The following SETD1B variants were observed in gnomAD, a reference collection of about 807,000 sequenced individuals.
SETD1B encodes histone-lysine N-methyltransferase SETD1B.
SETD1B carries 7 observed loss-of-function variants against 148.0 expected under a neutral mutation model. That is an observed-to-expected ratio of 0.05 (90% CI 0.03 to 0.09). The LOEUF is 0.09. Among genes scored for constraint, SETD1B ranks in the 10% least tolerant of loss-of-function variants. The pLI, the probability that SETD1B is intolerant of heterozygous loss-of-function variation, is 1.00. For synonymous variants in SETD1B, 1,361 were observed against 1,186.5 expected, an observed-to-expected ratio of 1.15 and a Z score of -3.02; for missense variants, 2,155 against 2,729.9, an observed-to-expected ratio of 0.79 and a Z score of 4.69.
At chr12:121,801,721 C>T (rs1875374115), upstream of SETD1B, 1 of 152,250 alleles carries the variant, frequency 6.6e-6, no homozygotes, top group South Asian at 2.1e-4. Context: ...TTGTAAGTTA[C>T]ACCCTCACGT....
rs747685764 is a variant in SETD1B, at chr12:121,817,939, G to A, written c.3418+35G>A. On this transcript the variant is annotated intron_variant, in intron 10 of 16. Coordinates refer to ENST00000604567, the MANE Select transcript of SETD1B (RefSeq NM_001353345.2). This position sits in a 1 kb window ranked among gnomAD's most constrained non-coding sequence, Gnocchi z 8.1. ...GAGGCCGTGGCTGCCTGGCCCTCCCGGAGTCCCTCTTTCCCCGGGGCAGAG... is the reference window on the plus strand; with the variant it reads ...GAGGCCGTGGCTGCCTGGCCCTCCCAGAGTCCCTCTTTCCCCGGGGCAGAG... The A allele has an allele frequency of 7.4e-6, 11 of 1,495,054 alleles. No individual in the cohort carries two copies. In the South Asian group the frequency reaches 7.8e-5, roughly 11 times the overall value. 92.6% of individuals were successfully genotyped at this position (1,495,054 alleles called of 1,614,324 possible).
the SETD1B span, chr12:121,793,542 C>T: frequency 1.9e-6 from 3 of 1,545,780 alleles, no homozygotes; most frequent in Non-Finnish European, 1.7e-6. Flanking sequence ...CGAGGTCTTG[C>T]CGCAGCCGCC....
upstream of SETD1B, chr12:121,799,720 G>GGGGGGGT (rs1566540667): frequency 7.9e-6 from 1 of 126,504 alleles, no homozygotes; most frequent in Non-Finnish European, 1.7e-5. Context: ...TCGCAGCTGG[G>GGGGGGGT]GGGGGGGGGG....
rs1374010793 is a variant in SETD1B, at chr12:121,806,112, C to T, written c.544+7C>T. The stretch of plus-strand genomic sequence containing the variant: ...GTGGAGCTGGACACCAAAGGTGAGC[C>T]TGGCAGGGGAGGAGCGTGGGGAGAC... On this transcript the variant is annotated splice_region_variant and intron_variant, in intron 4 of 16. Coordinates refer to ENST00000604567, the MANE Select transcript of SETD1B (RefSeq NM_001353345.2). The T allele has an allele frequency of 6.5e-7, 1 of 1,550,274 alleles. No homozygotes were observed. The highest frequency in any genetic ancestry group is 1.4e-5 in the African/African-American group (1 of 73,014).
chr12:121,806,210 A>AT (rs1875732652), intron 4 of SETD1B, 105 bp downstream of exon 4: 4 of 1,241,640 alleles, frequency 3.2e-6, no homozygotes, highest in South Asian at 3.0e-5. Flanking sequence ...CTTCCTTGGG[A>AT]TCCCCCCCCA....
chr12:121,819,787 C>T lies in SETD1B; in HGVS notation c.3802C>T (p.Pro1268Ser). Residue 1268 changes from proline to serine, a missense_variant, in exon 11 of 17, where the codon CCG becomes TCG. Transcript: ENST00000604567. ...GVEEPADSRE[P>S]PEEPGLSQEG... is the part of the protein sequence containing the mutation. ...TGAAGAGCCAGCGGACTCCAGGGAGCCGCCTGAGGAACCAGGCCTGAGCCA... is the reference window on the plus strand; with the variant it reads ...TGAAGAGCCAGCGGACTCCAGGGAGTCGCCTGAGGAACCAGGCCTGAGCCA... 2 of 1,551,608 alleles carry T rather than the reference C, an allele frequency of 1.3e-6. No homozygotes were observed. The highest frequency in any genetic ancestry group is 1.7e-6 in the Non-Finnish European group (2 of 1,146,966).
At chr12:121,791,154 C>A in the SETD1B span, among the ~76,000 whole-genome samples, 1 of 151,994 alleles carries the variant, frequency 6.6e-6, no homozygotes, top group Non-Finnish European at 1.5e-5. Context: ...GAGATGTAGT[C>A]TCGCCCTGTC....
rs988981000 is a variant in SETD1B at position 121,822,674 on chromosome 12, C to T, written c.4095C>T (p.Gly1365=). Residue 1365 remains glycine (G), a synonymous_variant, in exon 12 of 17, where the codon GGC becomes GGT. Transcript: ENST00000604567. ...AGGACCACCCCCCGCATACTCCAGG[C>T]CTCTGTGGCAGCCTGGCCAAGTCGC... The part of the protein sequence containing the change: ...LAEDHPPHTP[G]LCGSLAKSQS... The T allele has an allele frequency of 3.4e-5, 52 of 1,544,932 alleles. No homozygotes were observed. The highest frequency in any genetic ancestry group is 6.9e-5 in the African/African-American group (5 of 72,876).
At chr12:121,818,889 CAAAA>C (rs61120230) in intron 10 of SETD1B, among the ~76,000 whole-genome samples, 4 of 65,226 alleles carry the variant, frequency 6.1e-5, no homozygotes, top group Non-Finnish European at 1.3e-4. Context: ...GACTCCGTCT[CAAAA>C]AAAAAAAAAA....
chr12:121,829,908 T>C (rs541102018), intron 16 of SETD1B, among the ~76,000 whole-genome samples, 158 bp from the exon 17 acceptor site: 3 of 147,980 alleles, frequency 2.0e-5, no homozygotes, highest in Admixed American at 1.4e-4. Flanking sequence ...GGGTCACCCC[T>C]GGGGGTCGGG....
At chr12:121,821,861 G>T (rs367899155) in intron 11 of SETD1B, among the ~76,000 whole-genome samples, 3 of 151,866 alleles carry the variant, frequency 2.0e-5, no homozygotes, top group African/African-American at 7.3e-5. Flanking sequence ...CAAGGCTGGC[G>T]GATCACTTGA....
intron 4 of SETD1B, 75 bp downstream of exon 4, chr12:121,806,180 GGGGAGGACCCCCCCTCACTCTTCCTT>G (rs1875729295): frequency 4.7e-6 from 7 of 1,477,248 alleles, no homozygotes; most frequent in Non-Finnish European, 6.4e-6. Context: ...CCTGCAGCGT[GGGGAGGACCCCCCCTCACTCTTCCTT>G]GGGATCCCCC....
intron 7 of SETD1B, among the ~76,000 whole-genome samples, chr12:121,816,716 T>G (rs1399867354): frequency 6.6e-6 from 1 of 152,206 alleles, no homozygotes; most frequent in Non-Finnish European, 1.5e-5. Flanking sequence ...AATCTTACCT[T>G]GTGAAGGTGG....
Position 121,828,133 on chromosome 12 carries a change from A to T in SETD1B, c.5727+63A>T, listed in dbSNP as rs1876929295. ...CTGCCCCTGGCCCTGCTTCTGTGCC[A>T]GGAGGGCCTGGAAGCCCCGGCACGG... On this transcript the variant is annotated intron_variant, in intron 16 of 16. Transcript: ENST00000604567. The T allele has an allele frequency of 2.2e-5, 34 of 1,534,040 alleles. No individual in the cohort carries two copies. In the South Asian group the frequency reaches 3.9e-4, roughly 18 times the overall value.
At chr12:121,826,454 G>A (rs1876845506) in intron 13 of SETD1B, among the ~76,000 whole-genome samples, 1 of 152,180 alleles carries the variant, frequency 6.6e-6, no homozygotes, top group Non-Finnish European at 1.5e-5. Flanking sequence ...GGGGCTCACT[G>A]ACCCCAGCAG....
In SETD1B at chr12:121,817,814, G is replaced by C; in HGVS notation, c.3328G>C (p.Asp1110His). 1 of 1,550,642 alleles carries C rather than the reference G, an allele frequency of 6.4e-7. No individual in the cohort carries two copies. The highest frequency in any genetic ancestry group is 8.7e-7 in the Non-Finnish European group (1 of 1,146,522). Reference protein sequence around the residue: ...STSDKDDDDDDSDDRDESEND... With the variant: ...STSDKDDDDDHSDDRDESEND... ...TCTCCCCCAGGATGACGACGATGACGACAGTGATGACCGGGACGAGTCTGA... is the reference window on the plus strand; with the variant it reads ...TCTCCCCCAGGATGACGACGATGACCACAGTGATGACCGGGACGAGTCTGA... Residue 1110 changes from aspartate to histidine, a missense_variant, in exon 10 of 17, where the codon GAC (aspartate) becomes CAC (histidine). By Grantham distance (81) the Asp-to-His change is moderately conservative. Transcript: ENST00000604567. The surrounding 1 kb of genome is among the most constrained non-coding windows in gnomAD (Gnocchi z 8.1).
At chr12:121,824,146 G>A (rs541551729) in intron 12 of SETD1B, among the ~76,000 whole-genome samples, 3 of 152,300 alleles carry the variant, frequency 2.0e-5, no homozygotes, top group African/African-American at 7.2e-5. Context: ...AGAAGCTAAG[G>A]CTCAGAGAGG....
chr12:121,822,899 C>T lies in SETD1B; in HGVS notation c.4320C>T (p.Ser1440=), dbSNP rs115917759. The change falls in exon 12 of 17, where the codon AGC becomes AGT. Residue 1440 remains serine (S), a synonymous_variant. Coordinates refer to ENST00000604567, the MANE Select transcript of SETD1B (RefSeq NM_001353345.2). ...FSFTPTFSEP[S]GPLLLPVCPL... is the part of the protein sequence containing the mutation. Reference sequence around the variant, plus strand: ...TCACACCCACCTTCTCCGAGCCCAGCGGGCCCTTGCTCCTGCCCGTCTGCC... The same window carrying T: ...TCACACCCACCTTCTCCGAGCCCAGTGGGCCCTTGCTCCTGCCCGTCTGCC... 3.0e-3 allele frequency: 4,464 copies of T among 1,497,736 alleles called. 136 individuals carry two copies. The African/African-American group carries it at 0.054, about 18-fold the overall frequency. The allele number at this position is 1,497,736 out of a possible 1,614,324, so 92.8% of individuals were successfully genotyped here.
chr12:121,817,940 G>T lies in SETD1B; in HGVS notation c.3418+36G>T. 6.7e-7 allele frequency: 1 copy of T among 1,495,252 alleles called. No individual in the cohort carries two copies. The highest frequency in any genetic ancestry group is 1.3e-5 in the South Asian group (1 of 76,704). The allele number at this position is 1,495,252 out of a possible 1,614,324, so 92.6% of individuals were successfully genotyped here. ...AGGCCGTGGCTGCCTGGCCCTCCCGGAGTCCCTCTTTCCCCGGGGCAGAGC... is the reference window on the plus strand; with the variant it reads ...AGGCCGTGGCTGCCTGGCCCTCCCGTAGTCCCTCTTTCCCCGGGGCAGAGC... On this transcript the variant is annotated intron_variant, in intron 10 of 16. Coordinates refer to ENST00000604567, the MANE Select transcript of SETD1B (RefSeq NM_001353345.2). The surrounding 1 kb of genome is among the most constrained non-coding windows in gnomAD (Gnocchi z 8.1).
Sources: gnomAD v4.1 joint callset for allele counts (sites outside exome capture counted in the v4.1 genomes callset) on GRCh38, gnomAD v4.1.1 for gene constraint, Gnocchi (gnomAD v3.1) non-coding constraint, MANE v1.5 for transcripts, NCBI Gene and HGNC (gene_info 2026-07-23, HGNC 2026-07-21) for gene names.